CCDC85A: variants seen among roughly 807,000 people sequenced by gnomAD.
CCDC85A encodes coiled-coil domain-containing protein 85A.
Under a neutral mutation model 50.2 loss-of-function variants are expected in CCDC85A, and 38 were observed. The ratio of observed to expected loss-of-function variants is 0.76; its 90% CI spans 0.58 to 0.99. CCDC85A has a LOEUF of 0.99. Among genes scored for constraint, CCDC85A ranks in the 50% least tolerant of loss-of-function variants. The pLI, the probability that CCDC85A is intolerant of heterozygous loss-of-function variation, is 0.00. For missense variants in CCDC85A, 820 were observed against 742.0 expected (o/e 1.11, Z -1.22); for synonymous variants, 366 against 301.4 (o/e 1.21, Z -2.22).
intron 2 of CCDC85A, among the ~76,000 whole-genome samples, chr2:56,330,544 A>G (rs910325147): frequency 2.0e-5 from 3 of 152,114 alleles, no homozygotes; most frequent in Non-Finnish European, 4.4e-5. Flanking sequence ...ATTATTCAGC[A>G]TGTAGTAGCA....
At chr2:56,364,862 C>T (rs1675712019) in intron 3 of CCDC85A, among the ~76,000 whole-genome samples, 2 of 152,048 alleles carry the variant, frequency 1.3e-5, no homozygotes, top group African/African-American at 4.8e-5. Flanking sequence ...TTTTTCCCTT[C>T]AAATTCTTTG....
At chr2:56,191,607 G>C (rs1676297574) in intron 1 of CCDC85A, among the ~76,000 whole-genome samples, 1 of 152,240 alleles carries the variant, frequency 6.6e-6, no homozygotes, top group African/African-American at 2.4e-5. Flanking sequence ...TGAAGGAGAA[G>C]GAGATGCCAG....
chr2:56,322,945 C>G (rs1328311750), intron 2 of CCDC85A, among the ~76,000 whole-genome samples: 1 of 152,096 alleles, frequency 6.6e-6, no homozygotes, highest in African/African-American at 2.4e-5. Flanking sequence ...ACATATACAC[C>G]ATGGAATACT....
chr2:56,331,624 A>C (rs1051655668), intron 2 of CCDC85A, among the ~76,000 whole-genome samples: 2 of 152,040 alleles, frequency 1.3e-5, no homozygotes, highest in Non-Finnish European at 2.9e-5. Context: ...GACCCTAATA[A>C]TTTTTTTCTG....
At chr2:56,317,685 A>G (rs1043489793) in intron 2 of CCDC85A, among the ~76,000 whole-genome samples, 3 of 152,132 alleles carry the variant, frequency 2.0e-5, no homozygotes, top group Non-Finnish European at 2.9e-5. Flanking sequence ...CCCTTGAACA[A>G]TTCTTTGGAG....
At chr2:56,377,518 TCA>T (rs1676390028) in intron 5 of CCDC85A, among the ~76,000 whole-genome samples, 3 of 152,110 alleles carry the variant, frequency 2.0e-5, no homozygotes, top group South Asian at 4.1e-4. Flanking sequence ...GCATAGTGAG[TCA>T]CACTGAAATA....
At chr2:56,374,860 T>C (rs1324599428) in intron 4 of CCDC85A, among the ~76,000 whole-genome samples, 2 of 152,196 alleles carry the variant, frequency 1.3e-5, no homozygotes, top group African/African-American at 4.8e-5. Context: ...ATGATACACC[T>C]TCAGTGACTC....
chr2:56,222,319 T>C (rs1573048349), intron 2 of CCDC85A, among the ~76,000 whole-genome samples: 1 of 152,164 alleles, frequency 6.6e-6, no homozygotes, highest in East Asian at 1.9e-4. Flanking sequence ...ATTGACATTG[T>C]ACATATTTAA....
At chr2:56,282,957 T>G (rs1209408683) in intron 2 of CCDC85A, among the ~76,000 whole-genome samples, 1 of 152,248 alleles carries the variant, frequency 6.6e-6, no homozygotes, top group Non-Finnish European at 1.5e-5. Context: ...GTTTTCTTTT[T>G]TTCTTCTAGT....
chr2:56,218,117 C>T (rs1668162563), intron 2 of CCDC85A, among the ~76,000 whole-genome samples: 1 of 151,922 alleles, frequency 6.6e-6, no homozygotes, highest in South Asian at 2.1e-4. Flanking sequence ...ACTACAGCAA[C>T]ATAAAATTTT....
At chr2:56,256,207 GT>G (rs1293463000) in intron 2 of CCDC85A, among the ~76,000 whole-genome samples, 1 of 152,196 alleles carries the variant, frequency 6.6e-6, no homozygotes, top group Non-Finnish European at 1.5e-5. Flanking sequence ...AAAAACAATA[GT>G]AAATGTTGCA....
chr2:56,362,771 A>G (rs971804475), intron 3 of CCDC85A, among the ~76,000 whole-genome samples: 1 of 151,918 alleles, frequency 6.6e-6, no homozygotes. Flanking sequence ...GGCATGTGCC[A>G]CCACACCCGG....
chr2:56,286,372 T>C (rs1174048572), intron 2 of CCDC85A, among the ~76,000 whole-genome samples: 3 of 152,302 alleles, frequency 2.0e-5, no homozygotes, highest in East Asian at 1.9e-4. Flanking sequence ...CTTAGTATTA[T>C]TGAAGCTGTC....
chr2:56,185,341 G>A (rs963247305), intron 1 of CCDC85A, among the ~76,000 whole-genome samples: 4 of 152,194 alleles, frequency 2.6e-5, no homozygotes, highest in African/African-American at 9.7e-5. Flanking sequence ...CGGGCAGAGG[G>A]CGAGGAAAGG....
At chr2:56,270,566 T>G (rs1258989190) in intron 2 of CCDC85A, among the ~76,000 whole-genome samples, 1 of 152,254 alleles carries the variant, frequency 6.6e-6, no homozygotes, top group African/African-American at 2.4e-5. Flanking sequence ...CTTTTTCTAT[T>G]TAAGTCAAGA....
intron 2 of CCDC85A, among the ~76,000 whole-genome samples, chr2:56,209,291 C>T (rs952989148): frequency 2.6e-5 from 4 of 152,098 alleles, no homozygotes. Flanking sequence ...GACTTCTTTT[C>T]TGTGCTCCTT....
At chr2:56,293,204 T>G (rs1356969744) in intron 2 of CCDC85A, among the ~76,000 whole-genome samples, 1 of 152,216 alleles carries the variant, frequency 6.6e-6, no homozygotes, top group East Asian at 1.9e-4. Context: ...GGCTGGAGGA[T>G]TCCATGTGGA....
intron 1 of CCDC85A, among the ~76,000 whole-genome samples, chr2:56,189,445 C>A (rs183720732): frequency 6.6e-6 from 1 of 151,834 alleles, no homozygotes; most frequent in Non-Finnish European, 1.5e-5. Flanking sequence ...GCACGTGTCA[C>A]CATGCTTGGC....
intron 2 of CCDC85A, among the ~76,000 whole-genome samples, chr2:56,203,547 G>T (rs1676832307): frequency 1.3e-5 from 2 of 152,102 alleles, no homozygotes. Flanking sequence ...TCTATCTTCA[G>T]TGGAACCATT....
Sources: allele counts gnomAD v4.1 joint callset (sites outside exome capture counted in the v4.1 genomes callset), GRCh38; gene constraint gnomAD v4.1.1; transcripts MANE v1.5; gene names NCBI Gene and HGNC (gene_info 2026-07-23, HGNC 2026-07-21).